Variants in MEGF6 observed in about 807,000 individuals in gnomAD.
MEGF6 encodes the protein multiple epidermal growth factor-like domains protein 6.
In MEGF6, 184 loss-of-function variants were observed where a neutral mutation model predicts 207.1. The observed-to-expected ratio is 0.89, with a 90% CI of 0.79 to 1.00. MEGF6 has a LOEUF of 1.00. MEGF6 is among the 50% of genes least tolerant of loss of function. The pLI is 0.00. For missense variants in MEGF6, 2,282 were observed against 2,202.9 expected (o/e 1.04, Z -0.72); for synonymous variants, 1,038 against 910.0 (o/e 1.14, Z -2.53).
intron 5 of MEGF6, among the ~76,000 whole-genome samples, chr1:3,517,473 G>A (rs561035264): frequency 2.6e-5 from 4 of 152,222 alleles, no homozygotes; most frequent in Non-Finnish European, 5.9e-5. Context: ...GTGCGCAGCC[G>A]GGAGCCAAGC....
intron 10 of MEGF6, among the ~76,000 whole-genome samples, chr1:3,510,322 CA>C (rs1641291729): frequency 1.3e-5 from 2 of 152,144 alleles, no homozygotes; most frequent in Admixed American, 1.3e-4. Context: ...CAGGTCAGCA[CA>C]GCCCTCCAGG....
At position 3,494,563 on chromosome 1, in the gene MEGF6, G is replaced by C. The variant is rs760806522; in HGVS notation, c.4000+50C>G. 2.6e-6 allele frequency: 4 copies of C among 1,562,056 alleles called. No homozygotes were observed. In the African/African-American group the frequency reaches 4.1e-5, roughly 16 times the overall value. On this transcript the variant is annotated intron_variant, in intron 31 of 36. Coordinates refer to ENST00000356575, the MANE Select transcript of MEGF6 (RefSeq NM_001409.4). ...CCTTGCCCAGCCCTATGGCAGCCCAGGGCACCTCCCTGAGGGGATGCTGGG... is the reference window on the plus strand; with the variant it reads ...CCTTGCCCAGCCCTATGGCAGCCCACGGCACCTCCCTGAGGGGATGCTGGG...
chr1:3,568,031 C>T (rs1391058547), intron 4 of MEGF6, among the ~76,000 whole-genome samples: 1 of 152,192 alleles, frequency 6.6e-6, no homozygotes, highest in Non-Finnish European at 1.5e-5. Context: ...GCTGAGGAGG[C>T]AGAACCCGTC....
chr1:3,569,596 T>A (rs549296965), intron 4 of MEGF6, among the ~76,000 whole-genome samples: 2 of 152,338 alleles, frequency 1.3e-5, no homozygotes, highest in South Asian at 4.1e-4. Flanking sequence ...AAGGAGACCA[T>A]CCAGGAGACT....
chr1:3,494,636 C>A lies in MEGF6; in HGVS notation c.3977G>T (p.Trp1326Leu). The part of the protein sequence containing the change: ...SNGSCSCGLG[W>L]TGRHCELACP... ...ACCCAGCTCGCAGTGCCGCCCCGTC[C>A]AGCCCAGGCCACAGGAGCAGCTGCC... The change falls in exon 31 of 37, where the codon TGG becomes TTG. Residue 1326 changes from tryptophan (W) to leucine (L), a missense_variant. Trp to Leu is a moderately conservative substitution (Grantham distance 61). Transcript: ENST00000356575. The A allele has an allele frequency of 6.4e-7, 1 of 1,563,174 alleles. No individual in the cohort carries two copies. Among genetic ancestry groups the A allele is most frequent in the Non-Finnish European group, 8.7e-7 (1 of 1,155,610 alleles).
intron 3 of MEGF6, among the ~76,000 whole-genome samples, chr1:3,581,478 A>C (rs1643796922): frequency 6.6e-6 from 1 of 152,178 alleles, no homozygotes; most frequent in Admixed American, 6.5e-5. Flanking sequence ...CCCTGGAGGA[A>C]GCACAGGAAA....
chr1:3,526,718 G>A (rs1042267367), intron 4 of MEGF6, among the ~76,000 whole-genome samples: 5 of 152,066 alleles, frequency 3.3e-5, no homozygotes, highest in South Asian at 2.1e-4. Flanking sequence ...CCTTTTATCC[G>A]ACAACCTCAC....
At chr1:3,576,519 C>T (rs1345990909) in intron 4 of MEGF6, among the ~76,000 whole-genome samples, 1 of 152,036 alleles carries the variant, frequency 6.6e-6, no homozygotes, top group South Asian at 2.1e-4. Context: ...TTCCCAACTG[C>T]GTTTGAGCTC....
At chr1:3,579,207 A>G (rs1370362197) in intron 4 of MEGF6, among the ~76,000 whole-genome samples, 6 of 152,348 alleles carry the variant, frequency 3.9e-5, no homozygotes, top group Non-Finnish European at 8.8e-5. Context: ...CCCATGGCCC[A>G]AATGAATCAG....
Position 3,494,106 on chromosome 1 carries a change from T to C in MEGF6, c.4148A>G (p.His1383Arg), listed in dbSNP as rs1291038698. The change falls in exon 33 of 37, where the codon CAC (histidine) becomes CGC (arginine). Residue 1383 changes from histidine (H) to arginine (R), a missense_variant. His to Arg is a conservative substitution (Grantham distance 29). Transcript: ENST00000356575. ...ACEHPCPPGF[H>R]GAGCQGLCWC... ...GCACAACCCCTGGCAGCCAGCCCCGTGGAAGCCAGGGGGACAGGCTGAAGG... is the reference window on the plus strand; with the variant it reads ...GCACAACCCCTGGCAGCCAGCCCCGCGGAAGCCAGGGGGACAGGCTGAAGG... 6.3e-6 allele frequency: 10 copies of C among 1,576,912 alleles called. No homozygotes were observed. Among genetic ancestry groups the C allele is most frequent in the Non-Finnish European group, 8.6e-6 (10 of 1,160,384 alleles).
chr1:3,531,105 G>C (rs1464785362), intron 4 of MEGF6: 2 of 1,527,854 alleles, frequency 1.3e-6, no homozygotes, highest in South Asian at 2.4e-5. Flanking sequence ...CGGCGCTCAC[G>C]GGGTAGCCGG....
rs200999943 is a variant in MEGF6, at chr1:3,495,920, G to T, written c.3841C>A (p.Pro1281Thr). The T allele has an allele frequency of 6.3e-7, 1 of 1,597,626 alleles. No homozygotes were observed. Among genetic ancestry groups the T allele is most frequent in the Non-Finnish European group, 8.5e-7 (1 of 1,178,986 alleles). The change falls in exon 30 of 37, where the codon CCG becomes ACG. Residue 1281 changes from proline to threonine, a missense_variant. Transcript: ENST00000356575. ...TCACAGCGGACGCCGGCTCTCCCCGGGGGGCAGAGGCAGGTGCCGGTCACA... is the reference window on the plus strand; with the variant it reads ...TCACAGCGGACGCCGGCTCTCCCCGTGGGGCAGAGGCAGGTGCCGGTCACA... ...DPVTGTCLCP[P>T]GRAGVRCERG...
At position 3,560,860 on chromosome 1, in the gene MEGF6, G is replaced by C. The variant is rs1026395667; in HGVS notation, c.481+18965C>G. 27 of 436,988 alleles carry C rather than the reference G, an allele frequency of 6.2e-5. No individual in the cohort carries two copies. Among genetic ancestry groups the C allele is most frequent in the Non-Finnish European group, 1.1e-4 (24 of 215,712 alleles). The allele number at this position is 436,988 out of a possible 1,614,324, so 27.1% of individuals were successfully genotyped here. On this transcript the variant is annotated intron_variant, in intron 4 of 36. Transcript: ENST00000356575. The surrounding 1 kb of genome is among the most constrained non-coding windows in gnomAD (Gnocchi z 4.0). ...CGCGAGGGGGTTGCTGGGCTGGCTGGTCCCCCAGGTCTCTACGCGAAGGGG... is the reference window on the plus strand; with the variant it reads ...CGCGAGGGGGTTGCTGGGCTGGCTGCTCCCCCAGGTCTCTACGCGAAGGGG...
At position 3,497,296 on chromosome 1, in the gene MEGF6, A is replaced by G; in HGVS notation, c.3418T>C (p.Cys1140Arg). Residue 1140 changes from cysteine to arginine, a missense_variant, in exon 27 of 37, where the codon TGC (cysteine) becomes CGC (arginine). Transcript: ENST00000356575. ...CGGCAGGCCCCAGTGACGTGGTGGC[A>G]GGCAGCGCCAGGCGGGCAGCTGCAG... ...QRCSCPPGAA[C>R]HHVTGACRCP... The G allele has an allele frequency of 6.5e-7, 1 of 1,549,256 alleles. No homozygotes were observed. The highest frequency in any genetic ancestry group is 8.7e-7 in the Non-Finnish European group (1 of 1,151,012).
intron 1 of MEGF6, among the ~76,000 whole-genome samples, chr1:3,608,149 T>G (rs1179493599): frequency 6.6e-6 from 1 of 152,118 alleles, no homozygotes; most frequent in African/African-American, 2.4e-5. Context: ...CCTCTGCTTA[T>G]GCTTCCCAGG....
At chr1:3,536,804 G>A (rs1016804260) in intron 4 of MEGF6, among the ~76,000 whole-genome samples, 6 of 152,304 alleles carry the variant, frequency 3.9e-5, no homozygotes, top group African/African-American at 1.4e-4. Context: ...ACCCCCAAAT[G>A]TCACTGCTCC....
intron 4 of MEGF6, among the ~76,000 whole-genome samples, chr1:3,536,469 G>A (rs1642332428): frequency 1.3e-5 from 2 of 152,164 alleles, no homozygotes; most frequent in Non-Finnish European, 2.9e-5. Context: ...CTCCTGCTAG[G>A]CTAGGGAGGA....
In MEGF6 at chr1:3,556,878, G is replaced by C. The variant is rs1410341076; in HGVS notation, c.481+22947C>G. 2.0e-5 allele frequency among the ~76,000 whole-genome samples: 3 copies of C among 152,220 alleles called. No individual in the cohort carries two copies. The highest frequency in any genetic ancestry group is 7.2e-5 in the African/African-American group (3 of 41,460). ...GGTGAGGCTGCCTCATGGTACAGGG[G>C]AGCCAGGGCTGTGGAAAGAACGAAG... On this transcript the variant is annotated intron_variant, in intron 4 of 36. Transcript: ENST00000356575. The surrounding 1 kb of genome is among the most constrained non-coding windows in gnomAD (Gnocchi z 4.4).
upstream of MEGF6, among the ~76,000 whole-genome samples, chr1:3,612,785 TAGG>T (rs1161924489): frequency 6.6e-6 from 1 of 152,170 alleles, no homozygotes; most frequent in Non-Finnish European, 1.5e-5. Context: ...ACTGTCCCGA[TAGG>T]AGGGACAACA....
Sources: allele counts gnomAD v4.1 joint callset (sites outside exome capture counted in the v4.1 genomes callset), GRCh38; gene constraint gnomAD v4.1.1; non-coding constraint Gnocchi (gnomAD v3.1); transcripts MANE v1.5; gene names NCBI Gene and HGNC (gene_info 2026-07-23, HGNC 2026-07-21).